TMEM237: variants seen among roughly 807,000 people sequenced by gnomAD.
TMEM237 encodes the protein transmembrane protein 237, also known as amyotrophic lateral sclerosis 2 (juvenile) chromosome region, candidate 4.
In TMEM237, 51 loss-of-function variants were observed where a neutral mutation model predicts 59.1. The ratio of observed to expected loss-of-function variants is 0.86; its 90% CI spans 0.69 to 1.09. The LOEUF (loss-of-function observed/expected upper bound fraction) is 1.09. Among genes scored for constraint, TMEM237 ranks in the 50% least tolerant of loss-of-function variants. TMEM237 has a pLI of 0.00. For missense variants in TMEM237, 475 were observed against 478.3 expected (o/e 0.99, Z 0.06); for synonymous variants, 140 against 166.1 (o/e 0.84, Z 1.21).
intron 1 of TMEM237, among the ~76,000 whole-genome samples, chr2:201,641,865 G>C (rs1687428100): frequency 6.6e-6 from 1 of 152,048 alleles, no homozygotes; most frequent in Non-Finnish European, 1.5e-5. Context: ...GGTTAAATTG[G>C]GCTTGGAATG....
At chr2:201,641,509 C>G (rs1285326397) in intron 1 of TMEM237, among the ~76,000 whole-genome samples, 2 of 151,932 alleles carry the variant, frequency 1.3e-5, no homozygotes, top group Non-Finnish European at 2.9e-5. Flanking sequence ...AGGCCCTTTT[C>G]TAAGCATTAG....
At position 201,643,274 on chromosome 2, in the gene TMEM237, G is replaced by GGCCCC; in HGVS notation, c.42+84_42+85insGGGGC. The GGCCCC allele has an allele frequency of 9.9e-6, 12 of 1,206,728 alleles. No individual in the cohort carries two copies. Among genetic ancestry groups the GGCCCC allele is most frequent in the Non-Finnish European group, 1.4e-5 (12 of 849,290 alleles). 74.8% of individuals were successfully genotyped at this position (1,206,728 alleles called of 1,614,324 possible). ...CCTTAGTGATTCCCAGCTCGTTGGCGCCCCCCCACACACACCCACCCCCAC... is the reference window on the plus strand; with the variant it reads ...CCTTAGTGATTCCCAGCTCGTTGGCGGCCCCCCCCCCCACACACACCCACCCCCAC... On this transcript the variant is annotated intron_variant, in intron 1 of 12. Transcript: ENST00000409883. The surrounding 1 kb of genome is among the most constrained non-coding windows in gnomAD (Gnocchi z 4.3).
At chr2:201,625,469 T>C (rs1292164670) in intron 12 of TMEM237, among the ~76,000 whole-genome samples, 4 of 152,046 alleles carry the variant, frequency 2.6e-5, no homozygotes, top group Admixed American at 6.5e-5. Context: ...TCAAGCAGCA[T>C]AAAAGGTTAG....
In TMEM237 at chr2:201,637,674, G is replaced by A. The variant is rs542394021; in HGVS notation, c.137-789C>T. On this transcript the variant is annotated intron_variant, in intron 4 of 12. Coordinates refer to ENST00000409883, the MANE Select transcript of TMEM237 (RefSeq NM_001044385.3). ...GCAGGAGAATCGCTTGAACCCAGGA[G>A]GTGGAGGTTGCAGGGAGCCAAGATC... is the stretch of plus-strand genomic sequence containing the variant. Among the ~76,000 whole-genome samples, 9 of 151,650 alleles carry A rather than the reference G, an allele frequency of 5.9e-5. No individual in the cohort carries two copies. In the East Asian group the frequency reaches 1.4e-3, roughly 23 times the overall value.
rs1302601727 is a variant in TMEM237, at chr2:201,626,160, A to G, written c.1038-13T>C. The G allele has an allele frequency of 5.6e-6, 9 of 1,610,108 alleles. No individual in the cohort carries two copies. Among genetic ancestry groups the G allele is most frequent in the African/African-American group, 1.3e-5 (1 of 74,788 alleles). On this transcript the variant is annotated splice_polypyrimidine_tract_variant and intron_variant, in intron 11 of 12. Coordinates refer to ENST00000409883, the MANE Select transcript of TMEM237 (RefSeq NM_001044385.3). ...AATTCCTGCTTCCCTAAAAATGTAG[A>G]AACACTCATTAGAAGTGCCTTCAGT...
chr2:201,642,374 A>G (rs1293503373), intron 1 of TMEM237, among the ~76,000 whole-genome samples: 1 of 152,230 alleles, frequency 6.6e-6, no homozygotes, highest in African/African-American at 2.4e-5. Flanking sequence ...AATACCATCC[A>G]GTAGTCAAAA....
At chr2:201,632,917 C>T (rs988930699) in intron 6 of TMEM237, among the ~76,000 whole-genome samples, 1 of 152,078 alleles carries the variant, frequency 6.6e-6, no homozygotes, top group South Asian at 2.1e-4. Context: ...AATGCTAAAA[C>T]CCAGTTTTAC....
At chr2:201,641,152 C>T (rs1218894043) in intron 1 of TMEM237, among the ~76,000 whole-genome samples, 6 of 152,128 alleles carry the variant, frequency 3.9e-5, no homozygotes, top group Non-Finnish European at 7.4e-5. Context: ...CCACCATGCC[C>T]GGCTAATTTT....
At chr2:201,641,203 G>T (rs969642029) in intron 1 of TMEM237, among the ~76,000 whole-genome samples, 1 of 152,100 alleles carries the variant, frequency 6.6e-6, no homozygotes, top group African/African-American at 2.4e-5. Flanking sequence ...TGTTGGCCAG[G>T]CTGGTCTTGA....
At chr2:201,624,687 C>G (rs562340433) in intron 12 of TMEM237, among the ~76,000 whole-genome samples, 1 of 152,112 alleles carries the variant, frequency 6.6e-6, no homozygotes. Context: ...GGGACAGATA[C>G]AGAGGAAGGA....
At chr2:201,641,149 G>C (rs1476190490) in intron 1 of TMEM237, among the ~76,000 whole-genome samples, 1 of 152,000 alleles carries the variant, frequency 6.6e-6, no homozygotes, top group Non-Finnish European at 1.5e-5. Flanking sequence ...CCACCACCAT[G>C]CCCGGCTAAT....
chr2:201,623,363 C>A lies in TMEM237; in HGVS notation c.*892G>T. 1 of 172,606 alleles carries A rather than the reference C, an allele frequency of 5.8e-6. No individual in the cohort carries two copies. The highest frequency in any genetic ancestry group is 1.3e-5 in the Non-Finnish European group (1 of 78,024). The allele number at this position is 172,606 out of a possible 1,614,324, so 10.7% of individuals were successfully genotyped here. On this transcript the variant is annotated 3_prime_UTR_variant, in exon 13 of 13. Transcript: ENST00000409883. ...TGAAGAGATCTTTCCCAGTGCAGGA[C>A]CCATCTCAAGAGGGGGATTTCCTGG...
intron 1 of TMEM237, 61 bp from the exon 2 acceptor site, chr2:201,640,985 AC>A: frequency 6.8e-7 from 1 of 1,476,152 alleles, no homozygotes; most frequent in Non-Finnish European, 9.2e-7. Context: ...TACTTCAAAT[AC>A]CATCACGCTA....
At chr2:201,637,974 C>T (rs73989525) in intron 4 of TMEM237, among the ~76,000 whole-genome samples, 1 of 152,090 alleles carries the variant, frequency 6.6e-6, no homozygotes, top group Non-Finnish European at 1.5e-5. Flanking sequence ...GGTAATTTAG[C>T]AGAGTCAGTC....
chr2:201,623,169 A>C lies in TMEM237; in HGVS notation c.*1086T>G. 3.1e-6 allele frequency: 1 copy of C among 321,402 alleles called. No homozygotes were observed. The highest frequency in any genetic ancestry group is 6.5e-6 in the Non-Finnish European group (1 of 153,100). 19.9% of individuals were successfully genotyped at this position (321,402 alleles called of 1,614,324 possible). On this transcript the variant is annotated 3_prime_UTR_variant, in exon 13 of 13. Coordinates refer to ENST00000409883, the MANE Select transcript of TMEM237 (RefSeq NM_001044385.3). ...AACTGTCTCTATCATCAATTTGTCA[A>C]TCCTCTTCTGTTCTATAACATTCAG...
chr2:201,636,679 A>C, intron 5 of TMEM237, 69 bp downstream of exon 5: 2 of 1,508,818 alleles, frequency 1.3e-6, no homozygotes, highest in Non-Finnish European at 1.8e-6. Context: ...AAATGAAAGC[A>C]GAGAGGTTTT....
At chr2:201,626,520 G>A (rs569989084) in intron 11 of TMEM237, among the ~76,000 whole-genome samples, 107 of 134,308 alleles carry the variant, frequency 8.0e-4, no homozygotes, top group African/African-American at 2.8e-3. Flanking sequence ...TGGATGCTAC[G>A]TGCAGCATTT....
At chr2:201,636,660 G>A (rs1173196898) in intron 5 of TMEM237, 88 bp downstream of exon 5, 3 of 1,447,434 alleles carry the variant, frequency 2.1e-6, no homozygotes, top group East Asian at 4.9e-5. Flanking sequence ...GATATGGATA[G>A]GGGGAAAGAA....
At chr2:201,638,879 G>C in intron 4 of TMEM237, 110 bp downstream of exon 4, 1 of 1,060,622 alleles carries the variant, frequency 9.4e-7, no homozygotes, top group South Asian at 1.5e-5. Flanking sequence ...CCTCAATGAA[G>C]TGGAGATTCG....
Sources: gnomAD v4.1 joint callset for allele counts (sites outside exome capture counted in the v4.1 genomes callset) on GRCh38, gnomAD v4.1.1 for gene constraint, Gnocchi (gnomAD v3.1) non-coding constraint, MANE v1.5 for transcripts, NCBI Gene and HGNC (gene_info 2026-07-23, HGNC 2026-07-21) for gene names.